The following DENND10 variants were observed in gnomAD, a reference collection of about 807,000 sequenced individuals.
DENND10 encodes DENN domain containing 10, also known as DENN domain-containing protein 10.
A neutral mutation model predicts 43.6 loss-of-function variants in DENND10; 24 were observed. The ratio of observed to expected loss-of-function variants is 0.55; its 90% CI spans 0.40 to 0.77. The LOEUF (loss-of-function observed/expected upper bound fraction) is 0.77. DENND10 is among the 30% of genes least tolerant of loss of function. The pLI, the probability that DENND10 is intolerant of heterozygous loss-of-function variation, is 0.00. For synonymous variants in DENND10, 125 were observed against 157.6 expected, an observed-to-expected ratio of 0.79 and a Z score of 1.55; for missense variants, 303 against 429.9, an observed-to-expected ratio of 0.70 and a Z score of 2.61.
chr10:119,105,872 A>C lies in DENND10; in HGVS notation c.55+1675A>C, dbSNP rs367713206. 8.0e-5 allele frequency among the ~76,000 whole-genome samples: 12 copies of C among 149,738 alleles called. No homozygotes were observed. The East Asian group carries it at 2.4e-3, about 29-fold the overall frequency. On this transcript the variant is annotated intron_variant, in intron 1 of 8. Coordinates refer to ENST00000361432, the MANE Select transcript of DENND10 (RefSeq NM_207009.4). ...ACTCCAGCATGGGTGACAGAGTGAG[A>C]CCCCCCCCAACCCCGTCTCAAAAAA...
chr10:119,111,033 G>A (rs562468402), intron 2 of DENND10, among the ~76,000 whole-genome samples: 37 of 151,964 alleles, frequency 2.4e-4, no homozygotes, highest in African/African-American at 8.0e-4. Context: ...AGCTGAGGTG[G>A]GTGGATCATT....
chr10:119,121,110 C>T (rs969538751), intron 5 of DENND10, among the ~76,000 whole-genome samples: 3 of 151,820 alleles, frequency 2.0e-5, no homozygotes, highest in East Asian at 1.9e-4. Context: ...CCACTGTGCC[C>T]GGCCAAAATA....
chr10:119,106,710 T>C (rs1323709383), intron 1 of DENND10, among the ~76,000 whole-genome samples: 1 of 152,190 alleles, frequency 6.6e-6, no homozygotes, highest in Non-Finnish European at 1.5e-5. Flanking sequence ...ATTTTCTTCA[T>C]CTCTGGTTTT....
intron 3 of DENND10, among the ~76,000 whole-genome samples, chr10:119,115,405 T>TTTTTTTTTTTTTTTTTTGG: frequency 1.1e-5 from 1 of 91,682 alleles, no homozygotes; most frequent in East Asian, 3.4e-4. Context: ...TTTTTTTTTT[T>TTTTTTTTTTTTTTTTTTGG]GAGACGGAGT....
chr10:119,121,951 A>G (rs936335253), intron 5 of DENND10, among the ~76,000 whole-genome samples: 2 of 152,208 alleles, frequency 1.3e-5, no homozygotes, highest in Admixed American at 1.3e-4. Context: ...CAAAGGCTTC[A>G]TAGTCAGAAA....
chr10:119,129,420 AAG>A, intron 6 of DENND10, 93 bp from the exon 7 acceptor site: 1 of 752,324 alleles, frequency 1.3e-6, no homozygotes, highest in Non-Finnish European at 2.4e-6. Context: ...AAAGCAGTGA[AAG>A]AGAGCAGTCG....
At position 119,129,010 on chromosome 10, in the gene DENND10, A is replaced by AT. The variant is rs961969225; in HGVS notation, c.695-494dup. ...AACCATATCAGTCTCTCCTCAAATA[A>AT]TTTTTTTTTTTGGTAATTGTATTGC... On this transcript the variant is annotated intron_variant, in intron 6 of 8. Coordinates refer to ENST00000361432, the MANE Select transcript of DENND10 (RefSeq NM_207009.4). Among the ~76,000 whole-genome samples the AT allele has an allele frequency of 4.0e-3, 595 of 149,040 alleles. 1 individual carries two copies. Among genetic ancestry groups the AT allele is most frequent in the African/African-American group, 9.0e-3 (367 of 40,840 alleles).
At chr10:119,124,557 C>G (rs1210764066) in intron 6 of DENND10, among the ~76,000 whole-genome samples, 2 of 151,822 alleles carry the variant, frequency 1.3e-5, no homozygotes, top group African/African-American at 4.8e-5. Context: ...AAAAGATTTA[C>G]CTTTTTTTTT....
chr10:119,120,737 G>T (rs1197457768), intron 5 of DENND10, among the ~76,000 whole-genome samples: 1 of 152,160 alleles, frequency 6.6e-6, no homozygotes, highest in Non-Finnish European at 1.5e-5. Context: ...CAACTGCCTA[G>T]GTAGCACAAA....
Position 119,120,419 on chromosome 10 carries a change from AC to A in DENND10, c.564del (p.Lys189ArgfsTer2). The A allele has an allele frequency of 6.2e-7, 1 of 1,612,224 alleles. No individual in the cohort carries two copies. The highest frequency in any genetic ancestry group is 2.2e-5 in the East Asian group (1 of 44,860). Reference sequence around the variant, plus strand: ...CTAAAGAAAAGAATTGTGGTGTATCACCCCAAGATAGAAGCGGTCCAGGAGT... The same window carrying A: ...CTAAAGAAAAGAATTGTGGTGTATCACCCAAGATAGAAGCGGTCCAGGAGT... The part of the protein sequence containing the change: ...LMLKKRIVVY[H>X]PKIEAVQEFT... On this transcript the variant is annotated frameshift_variant, in exon 5 of 9. Coordinates refer to ENST00000361432, the MANE Select transcript of DENND10 (RefSeq NM_207009.4). LOFTEE classifies it high-confidence loss of function.
At chr10:119,114,996 C>T (rs1293629766) in intron 3 of DENND10, among the ~76,000 whole-genome samples, 1 of 152,096 alleles carries the variant, frequency 6.6e-6, no homozygotes, top group Non-Finnish European at 1.5e-5. Context: ...TCTGGAACTC[C>T]TGGCCTAAAG....
intron 4 of DENND10, 66 bp downstream of exon 4, chr10:119,117,733 C>G: frequency 1.3e-6 from 2 of 1,521,154 alleles, no homozygotes; most frequent in Non-Finnish European, 1.8e-6. Context: ...TTTGGGAGGC[C>G]AAGGCGGGTG....
At chr10:119,110,680 C>T (rs1844932930) in intron 2 of DENND10, among the ~76,000 whole-genome samples, 1 of 152,034 alleles carries the variant, frequency 6.6e-6, no homozygotes, top group Admixed American at 6.6e-5. Context: ...TGGTCTTGAA[C>T]TCCTGACCTT....
intron 7 of DENND10, among the ~76,000 whole-genome samples, chr10:119,130,490 G>A (rs1489517119): frequency 6.6e-6 from 1 of 152,154 alleles, no homozygotes; most frequent in Non-Finnish European, 1.5e-5. Flanking sequence ...TTGAGACAGG[G>A]TTTCACCATG....
chr10:119,125,267 T>C (rs7092740), intron 6 of DENND10, among the ~76,000 whole-genome samples: 151,694 of 152,178 alleles, frequency 1, 75,609 homozygotes, highest in South Asian at 1. Flanking sequence ...CCATTGTGCC[T>C]GGCCGAACTT....
chr10:119,124,066 G>A (rs1335885679), intron 6 of DENND10, among the ~76,000 whole-genome samples: 6 of 150,252 alleles, frequency 4.0e-5, no homozygotes, highest in Non-Finnish European at 7.4e-5. Context: ...GGTGGCACAT[G>A]CCTGTAATCC....
rs1279033629 is a variant in DENND10, at chr10:119,104,118, G to C, written c.-25G>C. ...AGGCCGGTCCTGCAGGCGGCAGCCAGAGCTGCGCGCCGCGGCGGCGGAAGA... is the reference window on the plus strand; with the variant it reads ...AGGCCGGTCCTGCAGGCGGCAGCCACAGCTGCGCGCCGCGGCGGCGGAAGA... On this transcript the variant is annotated 5_prime_UTR_variant, in exon 1 of 9. Transcript: ENST00000361432. 2 of 1,497,104 alleles carry C rather than the reference G, an allele frequency of 1.3e-6. No individual in the cohort carries two copies. The highest frequency in any genetic ancestry group is 4.6e-5 in the Admixed American group (2 of 43,068). The allele number at this position is 1,497,104 out of a possible 1,614,324, so 92.7% of individuals were successfully genotyped here.
intron 2 of DENND10, 67 bp downstream of exon 2, chr10:119,108,231 T>A: frequency 1.8e-6 from 2 of 1,139,956 alleles, no homozygotes; most frequent in South Asian, 1.3e-5. Context: ...ATGCCTGTAA[T>A]CCCAGCACTT....
chr10:119,122,337 C>G (rs1207266017), intron 5 of DENND10, among the ~76,000 whole-genome samples: 1 of 152,134 alleles, frequency 6.6e-6, no homozygotes, highest in Non-Finnish European at 1.5e-5. Flanking sequence ...TTGATTGTTT[C>G]TGAGCCTGTG....
Sources: allele counts gnomAD v4.1 joint callset (sites outside exome capture counted in the v4.1 genomes callset), GRCh38; gene constraint gnomAD v4.1.1; transcripts MANE v1.5; gene names NCBI Gene and HGNC (gene_info 2026-07-23, HGNC 2026-07-21).